ARHGEF28: variants seen among roughly 807,000 people sequenced by gnomAD.
ARHGEF28 encodes Rho guanine nucleotide exchange factor 28, also known as 190 kDa guanine nucleotide exchange factor.
ARHGEF28 carries 152 observed loss-of-function variants against 206.6 expected under a neutral mutation model. The observed-to-expected ratio is 0.74, with a 90% CI of 0.64 to 0.84. ARHGEF28 has a LOEUF of 0.84. ARHGEF28 is among the 40% of genes least tolerant of loss of function. The probability of loss-of-function intolerance (pLI) is 0.00; values close to 1 mark genes in which losing one functional copy is unlikely to be tolerated. For missense variants in ARHGEF28, 2,028 were observed against 2,073.2 expected (o/e 0.98, Z 0.42); for synonymous variants, 763 against 776.4 (o/e 0.98, Z 0.29).
At chr5:73,844,354 C>G (rs1358502135) in intron 11 of ARHGEF28, among the ~76,000 whole-genome samples, 1 of 152,138 alleles carries the variant, frequency 6.6e-6, no homozygotes, top group Non-Finnish European at 1.5e-5. Context: ...TGCTGAGGTA[C>G]AAGACATGGG....
chr5:73,653,025 G>T (rs1744930855), intron 1 of ARHGEF28, among the ~76,000 whole-genome samples: 1 of 152,172 alleles, frequency 6.6e-6, no homozygotes, highest in Non-Finnish European at 1.5e-5. Context: ...CATACATTTG[G>T]CATCATCAGC....
At chr5:73,690,254 C>G (rs1747730827) in intron 2 of ARHGEF28, among the ~76,000 whole-genome samples, 1 of 151,982 alleles carries the variant, frequency 6.6e-6, no homozygotes, top group Non-Finnish European at 1.5e-5. Context: ...TTTGCATTTA[C>G]AAGCCAATTT....
chr5:73,845,621 A>G (rs1048258926), intron 11 of ARHGEF28, among the ~76,000 whole-genome samples: 2 of 152,168 alleles, frequency 1.3e-5, no homozygotes, highest in Admixed American at 1.3e-4. Flanking sequence ...GGGACTTGCG[A>G]TATCAATAAT....
intron 7 of ARHGEF28, among the ~76,000 whole-genome samples, chr5:73,793,463 G>A (rs1367273385): frequency 6.6e-6 from 1 of 152,202 alleles, no homozygotes; most frequent in Non-Finnish European, 1.5e-5. Context: ...TAATAGGAGT[G>A]ACAAAACGGA....
Position 73,858,229 on chromosome 5 carries a change from C to A in ARHGEF28, c.2047+10C>A, listed in dbSNP as rs113522430. 1.3e-6 allele frequency: 2 copies of A among 1,572,534 alleles called. No homozygotes were observed. The highest frequency in any genetic ancestry group is 1.7e-6 in the Non-Finnish European group (2 of 1,165,788). ...TCACTGCAGTGTTCTAGTAAGTTCT[C>A]AGGTCTATGTGCGCTGTCTTTGTTT... is the stretch of plus-strand genomic sequence containing the variant. On this transcript the variant is annotated intron_variant, in intron 16 of 35. Transcript: ENST00000513042.
chr5:73,846,586 AT>A (rs11390939), intron 12 of ARHGEF28, 111 bp downstream of exon 12: 3 of 938,394 alleles, frequency 3.2e-6, no homozygotes, highest in Admixed American at 2.9e-5. Flanking sequence ...CATATGAACT[AT>A]TTTTTTGAGA....
intron 11 of ARHGEF28, among the ~76,000 whole-genome samples, chr5:73,842,729 C>T (rs544804850): frequency 3.3e-5 from 5 of 152,208 alleles, no homozygotes; most frequent in African/African-American, 7.2e-5. Flanking sequence ...CTGCAATCCC[C>T]GTACTTTGGG....
At chr5:73,832,495 C>G in intron 10 of ARHGEF28, 36 bp downstream of exon 10, 1 of 1,599,042 alleles carries the variant, frequency 6.3e-7, no homozygotes, top group Non-Finnish European at 8.5e-7. Context: ...TGATTTCTAC[C>G]TCTCTCCAAA....
chr5:73,799,748 A>G (rs568318068), intron 9 of ARHGEF28, among the ~76,000 whole-genome samples: 8 of 152,296 alleles, frequency 5.3e-5, no homozygotes, highest in Admixed American at 5.2e-4. Flanking sequence ...CAAAACAAGA[A>G]CTGTGTGAGC....
chr5:73,838,366 CT>C (rs1215514301), intron 10 of ARHGEF28, among the ~76,000 whole-genome samples: 7 of 152,136 alleles, frequency 4.6e-5, no homozygotes, highest in Admixed American at 6.5e-5. Flanking sequence ...ATAATCTTAT[CT>C]AATTTTCTTT....
chr5:73,926,660 A>AGCTTTCATGT (rs1313789415), intron 35 of ARHGEF28, among the ~76,000 whole-genome samples: 1 of 152,170 alleles, frequency 6.6e-6, no homozygotes, highest in Non-Finnish European at 1.5e-5. Flanking sequence ...CACCCTGGGC[A>AGCTTTCATGT]GCTTTCAAGG....
chr5:73,660,795 C>G (rs926072444), intron 1 of ARHGEF28, among the ~76,000 whole-genome samples: 3 of 152,140 alleles, frequency 2.0e-5, no homozygotes, highest in Admixed American at 2.0e-4. Context: ...CAGTAGGTCT[C>G]AATAATGGCC....
chr5:73,795,954 G>A lies in ARHGEF28; in HGVS notation c.1024+563G>A, dbSNP rs796673010. Reference sequence around the variant, plus strand: ...AGGAACCAGGTGTTCCTCCACCCTTGGCAAGGTAGAGGTATTTCCTCCCTC... The same window carrying A: ...AGGAACCAGGTGTTCCTCCACCCTTAGCAAGGTAGAGGTATTTCCTCCCTC... On this transcript the variant is annotated intron_variant, in intron 9 of 35. Coordinates refer to ENST00000513042, the MANE Select transcript of ARHGEF28 (RefSeq NM_001177693.2). Among the ~76,000 whole-genome samples the A allele has an allele frequency of 9.9e-4, 151 of 152,284 alleles. 1 individual carries two copies. The highest frequency in any genetic ancestry group is 3.5e-3 in the African/African-American group (147 of 41,562).
At chr5:73,757,600 T>C (rs1005487319) in intron 4 of ARHGEF28, among the ~76,000 whole-genome samples, 1 of 152,162 alleles carries the variant, frequency 6.6e-6, no homozygotes, top group Non-Finnish European at 1.5e-5. Context: ...ATGGATCTTG[T>C]AACAAAAAGC....
intron 2 of ARHGEF28, among the ~76,000 whole-genome samples, chr5:73,722,969 C>G (rs116736481): frequency 1.8e-3 from 275 of 152,304 alleles, no homozygotes; most frequent in African/African-American, 6.5e-3. Context: ...CATTCCCTTT[C>G]AAGAACATTA....
intron 1 of ARHGEF28, among the ~76,000 whole-genome samples, chr5:73,653,218 C>G (rs532109887): frequency 6.6e-6 from 1 of 152,286 alleles, no homozygotes; most frequent in East Asian, 1.9e-4. Context: ...CTTGGGCACA[C>G]TGCAGCTACT....
At chr5:73,735,135 C>T (rs1242806647) in intron 2 of ARHGEF28, among the ~76,000 whole-genome samples, 1 of 151,740 alleles carries the variant, frequency 6.6e-6, no homozygotes, top group Non-Finnish European at 1.5e-5. Context: ...TACTGAATAA[C>T]AAGAGTGATA....
chr5:73,802,739 T>TA (rs2112500374), intron 9 of ARHGEF28, among the ~76,000 whole-genome samples: 1 of 152,252 alleles, frequency 6.6e-6, no homozygotes, highest in African/African-American at 2.4e-5. Context: ...TATAAAAAGT[T>TA]AAAATAATAC....
intron 7 of ARHGEF28, among the ~76,000 whole-genome samples, chr5:73,787,442 G>A (rs957655438): frequency 6.6e-6 from 1 of 152,054 alleles, no homozygotes; most frequent in African/African-American, 2.4e-5. Context: ...GAACGTGCAG[G>A]TTTGTTACAT....
Sources: allele counts gnomAD v4.1 joint callset (sites outside exome capture counted in the v4.1 genomes callset), GRCh38; gene constraint gnomAD v4.1.1; transcripts MANE v1.5; gene names NCBI Gene and HGNC (gene_info 2026-07-23, HGNC 2026-07-21).